WDR49: variants seen among roughly 807,000 people sequenced by gnomAD.
WDR49 encodes the protein cilia- and flagella-associated protein 337.
Under a neutral mutation model 119.5 loss-of-function variants are expected in WDR49, and 107 were observed. The ratio of observed to expected loss-of-function variants is 0.90; its 90% confidence interval spans 0.77 to 1.05. The LOEUF (loss-of-function observed/expected upper bound fraction) is 1.05, where lower values mean the gene tolerates loss of function less well. Among genes scored for constraint, WDR49 ranks in the 50% least tolerant of loss-of-function variants. The pLI is 0.00. For synonymous variants in WDR49, 425 were observed against 418.8 expected (o/e 1.01, Z -0.18); for missense variants, 1,240 against 1,220.5 (o/e 1.02, Z -0.24).
intron 2 of WDR49, among the ~76,000 whole-genome samples, chr3:167,638,263 A>G (rs1034199188): frequency 6.6e-6 from 1 of 151,452 alleles, no homozygotes; most frequent in Non-Finnish European, 1.5e-5. Flanking sequence ...TACATGAAAA[A>G]TTGCTCATAA....
chr3:167,497,342 A>C (rs1262521049), intron 18 of WDR49, among the ~76,000 whole-genome samples: 2 of 152,242 alleles, frequency 1.3e-5, no homozygotes, highest in African/African-American at 4.8e-5. Flanking sequence ...AGGAAGAAAA[A>C]TTGAAGAAAG....
intron 17 of WDR49, among the ~76,000 whole-genome samples, chr3:167,501,917 C>T (rs1298613149): frequency 6.6e-6 from 1 of 152,112 alleles, no homozygotes; most frequent in Non-Finnish European, 1.5e-5. Flanking sequence ...AGAACTGTAT[C>T]AGGTACTTCA....
Position 167,521,992 on chromosome 3 carries a change from A to AGAT in WDR49, c.2774+320_2774+322dup, listed in dbSNP as rs1491305562. Among the ~76,000 whole-genome samples, 11 of 142,566 alleles carry AGAT rather than the reference A, an allele frequency of 7.7e-5. No individual in the cohort carries two copies. In the East Asian group the frequency reaches 1.1e-3, roughly 14 times the overall value. The allele number at this position is 142,566 out of a possible 152,430, so 93.5% of individuals were successfully genotyped here. A position where few individuals can be genotyped will look rare whatever the true frequency, so the allele number is the denominator to read the frequency against. On this transcript the variant is annotated intron_variant, in intron 16 of 18. Transcript: ENST00000682715. ...TAGATAGATAGATAGATAGATAGATAGATAGATAGATAGATAGATAGATAG... is the reference window on the plus strand; with the variant it reads ...TAGATAGATAGATAGATAGATAGATAGATGATAGATAGATAGATAGATAGATAG...
chr3:167,549,646 C>G (rs968412128), intron 10 of WDR49, among the ~76,000 whole-genome samples: 3 of 152,108 alleles, frequency 2.0e-5, no homozygotes, highest in African/African-American at 7.2e-5. Flanking sequence ...TGTAGGTTGC[C>G]TGTTCACTCT....
chr3:167,593,888 A>G (rs1032877115), intron 7 of WDR49, among the ~76,000 whole-genome samples: 15 of 152,110 alleles, frequency 9.9e-5, no homozygotes, highest in Non-Finnish European at 1.6e-4. Flanking sequence ...AATTGTCACA[A>G]GATCTGATGG....
Position 167,500,200 on chromosome 3 carries a change from G to T in WDR49, c.2984C>A (p.Pro995Gln), listed in dbSNP as rs1259660251. 4 of 1,590,406 alleles carry T rather than the reference G, an allele frequency of 2.5e-6. No individual in the cohort carries two copies. Among genetic ancestry groups the T allele is most frequent in the Non-Finnish European group, 3.4e-6 (4 of 1,173,430 alleles). ...CAGAATTTGGGGACGCTCTTCCTCT[G>T]GTTCTTTCCTAAAGTATTTCTCAGG... is the stretch of plus-strand genomic sequence containing the variant. The part of the protein sequence containing the change: ...LDPEKYFRKE[P>Q]EEERPQILEA... The change falls in exon 18 of 19, where the codon CCA becomes CAA. Residue 995 changes from proline to glutamine, a missense_variant. Coordinates refer to ENST00000682715, the MANE Select transcript of WDR49 (RefSeq NM_001366157.1).
At chr3:167,630,674 C>G (rs953460337) in intron 2 of WDR49, among the ~76,000 whole-genome samples, 1 of 152,086 alleles carries the variant, frequency 6.6e-6, no homozygotes, top group Non-Finnish European at 1.5e-5. Flanking sequence ...TCTTGCTGTT[C>G]GTGGTAGCTA....
intron 18 of WDR49, among the ~76,000 whole-genome samples, chr3:167,490,046 T>C (rs1751072303): frequency 6.6e-6 from 1 of 152,074 alleles, no homozygotes; most frequent in Non-Finnish European, 1.5e-5. Context: ...GCCCACATCT[T>C]GAGGTCAAGC....
At chr3:167,511,837 G>A (rs1473919316) in intron 16 of WDR49, among the ~76,000 whole-genome samples, 3 of 152,218 alleles carry the variant, frequency 2.0e-5, no homozygotes, top group Non-Finnish European at 4.4e-5. Context: ...AGTGGCTGTG[G>A]CAGATCGTGG....
chr3:167,588,107 C>A lies in WDR49; in HGVS notation c.1276-11956G>T, dbSNP rs144953703. Among the ~76,000 whole-genome samples, 969 of 152,252 alleles carry A rather than the reference C, an allele frequency of 6.4e-3. 8 individuals are homozygous for A. The highest frequency in any genetic ancestry group is 0.022 in the African/African-American group (920 of 41,554). The stretch of plus-strand genomic sequence containing the variant: ...ACTTCCTCTCCAACCTCCCCCACCA[C>A]TACCCTTCCCAGCCTCTAATAACCA... On this transcript the variant is annotated intron_variant, in intron 7 of 18. Transcript: ENST00000682715.
At chr3:167,623,169 C>T (rs1218248164) in intron 3 of WDR49, among the ~76,000 whole-genome samples, 1 of 151,906 alleles carries the variant, frequency 6.6e-6, no homozygotes, top group Non-Finnish European at 1.5e-5. Flanking sequence ...AAGGTAACAC[C>T]TCCCAAATCA....
At chr3:167,541,517 A>G (rs964211065) in intron 10 of WDR49, among the ~76,000 whole-genome samples, 1 of 152,100 alleles carries the variant, frequency 6.6e-6, no homozygotes, top group South Asian at 2.1e-4. Flanking sequence ...CCAAGCCAGC[A>G]CTACAATAAA....
chr3:167,633,734 T>C (rs1366075394), intron 2 of WDR49, among the ~76,000 whole-genome samples: 2 of 151,032 alleles, frequency 1.3e-5, no homozygotes, highest in African/African-American at 2.4e-5. Context: ...CATCTTTAAA[T>C]TAGTGCTAAT....
chr3:167,589,472 A>T (rs1451449978), intron 7 of WDR49, among the ~76,000 whole-genome samples: 1 of 152,144 alleles, frequency 6.6e-6, no homozygotes, highest in Non-Finnish European at 1.5e-5. Context: ...ATTTCTATGA[A>T]GAATGTCATT....
At position 167,620,489 on chromosome 3, in the gene WDR49, A is replaced by T; in HGVS notation, c.898T>A (p.Cys300Ser). The T allele has an allele frequency of 1.3e-6, 2 of 1,536,190 alleles. No homozygotes were observed. Among genetic ancestry groups the T allele is most frequent in the Non-Finnish European group, 1.7e-6 (2 of 1,146,756 alleles). ...TCTAATATATGGCAACATTTGTGAC[A>T]TCCAGAGAGCAGCTCTGCCCAGTTA... ...TINWAELLSG[C>S]HKCCHILEHK... is the part of the protein sequence containing the mutation. Residue 300 changes from cysteine to serine, a missense_variant, in exon 5 of 19, where the codon TGT (cysteine) becomes AGT (serine). By Grantham distance (112) the Cys-to-Ser change is moderately radical. Transcript: ENST00000682715.
intron 7 of WDR49, among the ~76,000 whole-genome samples, chr3:167,596,488 A>T (rs1427394640): frequency 9.9e-5 from 15 of 151,934 alleles, no homozygotes; most frequent in Admixed American, 2.6e-4. Flanking sequence ...CAACAATGAT[A>T]GACTGGATTA....
rs561797108 is a variant in WDR49, at chr3:167,594,648, C to A, written c.1275+7479G>T. ...CATGTGGTAGAAAAGCAAAACCCGG[C>A]CTTTGACAAAATTCAACAACCCTTC... On this transcript the variant is annotated intron_variant, in intron 7 of 18. Coordinates refer to ENST00000682715, the MANE Select transcript of WDR49 (RefSeq NM_001366157.1). Among the ~76,000 whole-genome samples, 28 of 152,214 alleles carry A rather than the reference C, an allele frequency of 1.8e-4. No individual in the cohort carries two copies. In the South Asian group the frequency reaches 4.4e-3, roughly 24 times the overall value.
chr3:167,522,430 A>C lies in WDR49; in HGVS notation c.2659T>G (p.Leu887Val), dbSNP rs1192818510. Residue 887 changes from leucine (L) to valine (V), a missense_variant, in exon 16 of 19, where the codon TTA becomes GTA. Coordinates refer to ENST00000682715, the MANE Select transcript of WDR49 (RefSeq NM_001366157.1). ...TCCTTTTGAATCTCACTTTCCACTAAATTAGTATCTCTTTTAGGAAGGAAA... is the reference window on the plus strand; with the variant it reads ...TCCTTTTGAATCTCACTTTCCACTACATTAGTATCTCTTTTAGGAAGGAAA... ...CLFLPKRDTN[L>V]VESEIQKEIS... The C allele has an allele frequency of 6.2e-7, 1 of 1,611,332 alleles. No individual in the cohort carries two copies. Among genetic ancestry groups the C allele is most frequent in the South Asian group, 1.1e-5 (1 of 90,498 alleles).
intron 7 of WDR49, among the ~76,000 whole-genome samples, chr3:167,580,353 C>T (rs1483705837): frequency 6.6e-6 from 1 of 152,060 alleles, no homozygotes; most frequent in Non-Finnish European, 1.5e-5. Flanking sequence ...ATATGACCTC[C>T]CTTATGTTCT....
Sources: allele counts gnomAD v4.1 joint callset (sites outside exome capture counted in the v4.1 genomes callset), GRCh38; gene constraint gnomAD v4.1.1; transcripts MANE v1.5; gene names NCBI Gene and HGNC (gene_info 2026-07-23, HGNC 2026-07-21).